DMXL2: variants seen among roughly 807,000 people sequenced by gnomAD.
DMXL2 encodes dmX-like protein 2.
A neutral mutation model predicts 331.1 loss-of-function variants in DMXL2; 103 were observed. The observed-to-expected ratio is 0.31, with a 90% CI of 0.27 to 0.37. The LOEUF (loss-of-function observed/expected upper bound fraction) is 0.37. Among genes scored for constraint, DMXL2 ranks in the 10% least tolerant of loss-of-function variants. The pLI is 1.00. For synonymous variants in DMXL2, 1,281 were observed against 1,252.1 expected, an observed-to-expected ratio of 1.02 and a Z score of -0.49; for missense variants, 3,171 against 3,642.9, an observed-to-expected ratio of 0.87 and a Z score of 3.33.
Position 51,564,161 on chromosome 15 carries a change from G to C in DMXL2, c.464C>G (p.Pro155Arg). 6.2e-7 allele frequency: 1 copy of C among 1,606,310 alleles called. No homozygotes were observed. The highest frequency in any genetic ancestry group is 2.3e-5 in the East Asian group (1 of 44,250). Residue 155 changes from proline to arginine, a missense_variant, in exon 5 of 44, where the codon CCT (proline) becomes CGT (arginine). Physicochemically the swap from Pro to Arg is moderately radical, Grantham distance 103. Transcript: ENST00000560891. ...EEEEIDNTVP[P>R]VLNDWKCVWQ... ...GACACACTTCCAATCATTTAAAACA[G>C]GAGGAACTGTATTATCAATTTCTTC...
At chr15:51,523,944 A>G (rs988456110) in intron 13 of DMXL2, among the ~76,000 whole-genome samples, 4 of 152,248 alleles carry the variant, frequency 2.6e-5, no homozygotes, top group African/African-American at 7.2e-5. Flanking sequence ...ATCAGTAAAG[A>G]TACAGAAGAA....
At chr15:51,568,416 T>C (rs1192286541) in intron 3 of DMXL2, 71 bp downstream of exon 3, 1 of 1,090,402 alleles carries the variant, frequency 9.2e-7, no homozygotes, top group Non-Finnish European at 1.3e-6. Context: ...CTAAGGAGCT[T>C]TTTATTAACA....
intron 9 of DMXL2, among the ~76,000 whole-genome samples, chr15:51,539,263 T>G (rs1344047249): frequency 1.3e-5 from 2 of 151,550 alleles, no homozygotes; most frequent in African/African-American, 2.4e-5. Flanking sequence ...TTCATACACA[T>G]ACACACAGAG....
In DMXL2 at chr15:51,468,401, A is replaced by G. The variant is rs1341558141; in HGVS notation, c.7393-2090T>C. On this transcript the variant is annotated intron_variant, in intron 29 of 43. Transcript: ENST00000560891. ...AAGAGGCTCTCACTGGCAAAGATGG[A>G]TAATCTGAGTCCCCATGAGAAAAAA... Among the ~76,000 whole-genome samples the G allele has an allele frequency of 2.0e-5, 3 of 152,336 alleles. No homozygotes were observed. The East Asian group carries it at 5.8e-4, about 29-fold the overall frequency.
intron 1 of DMXL2, among the ~76,000 whole-genome samples, chr15:51,594,907 T>G (rs72623976): frequency 0.48 from 72,893 of 151,978 alleles, 17,843 homozygotes; most frequent in Non-Finnish European, 0.52. Context: ...ATTGATGGGT[T>G]GTATGTCAAA....
At chr15:51,560,591 C>T (rs2049897009) in intron 6 of DMXL2, among the ~76,000 whole-genome samples, 2 of 148,884 alleles carry the variant, frequency 1.3e-5, no homozygotes, top group Admixed American at 6.7e-5. Flanking sequence ...ACTGCCTAAG[C>T]CCAGGAGGTC....
intron 43 of DMXL2, 133 bp downstream of exon 43, chr15:51,449,996 T>C: frequency 2.6e-6 from 2 of 763,702 alleles, no homozygotes; most frequent in East Asian, 2.7e-5. Context: ...CGGCAGAGTG[T>C]TGAGATATGC....
At chr15:51,537,894 A>AGTTT in intron 10 of DMXL2, 135 bp from the exon 11 acceptor site, 3 of 1,113,912 alleles carry the variant, frequency 2.7e-6, no homozygotes, top group Non-Finnish European at 3.7e-6. Context: ...AACAAAGGAA[A>AGTTT]CTTTTGTCTG....
chr15:51,511,671 C>T (rs1367793849), intron 15 of DMXL2, among the ~76,000 whole-genome samples: 2 of 152,218 alleles, frequency 1.3e-5, no homozygotes, highest in East Asian at 3.9e-4. Context: ...ACCATTTGAC[C>T]CAGCAATCCC....
At chr15:51,479,566 C>A (rs73399545) in intron 25 of DMXL2, among the ~76,000 whole-genome samples, 1 of 152,282 alleles carries the variant, frequency 6.6e-6, no homozygotes, top group Non-Finnish European at 1.5e-5. Flanking sequence ...CATTTGTGAC[C>A]AGTCATGCTT....
At chr15:51,578,667 T>C (rs1022585012) in intron 1 of DMXL2, among the ~76,000 whole-genome samples, 3 of 152,192 alleles carry the variant, frequency 2.0e-5, no homozygotes, top group Non-Finnish European at 4.4e-5. Flanking sequence ...CCTATAAGTA[T>C]ATATACAAAA....
intron 1 of DMXL2, among the ~76,000 whole-genome samples, chr15:51,593,686 G>A (rs1170054691): frequency 6.6e-6 from 1 of 152,096 alleles, no homozygotes; most frequent in Non-Finnish European, 1.5e-5. Flanking sequence ...CTCAGCAAAT[G>A]GAAAAGAACA....
chr15:51,612,306 A>G (rs1567186155), intron 1 of DMXL2, among the ~76,000 whole-genome samples: 1 of 152,228 alleles, frequency 6.6e-6, no homozygotes, highest in Non-Finnish European at 1.5e-5. Flanking sequence ...AAGAATGGCT[A>G]TAGTTCAATT....
intron 32 of DMXL2, among the ~76,000 whole-genome samples, chr15:51,464,094 A>G (rs1364234223): frequency 6.6e-6 from 1 of 152,222 alleles, no homozygotes; most frequent in African/African-American, 2.4e-5. Flanking sequence ...AAATTCTGTA[A>G]GAGTTCTGAC....
At chr15:51,601,438 AATT>A (rs1170440429) in intron 1 of DMXL2, among the ~76,000 whole-genome samples, 3 of 152,140 alleles carry the variant, frequency 2.0e-5, no homozygotes, top group African/African-American at 7.2e-5. Context: ...ACTTGGAGTT[AATT>A]TTTATGTATG....
In DMXL2 at chr15:51,538,232, T is replaced by G. The variant is rs1390724876; in HGVS notation, c.1326A>C (p.Leu442Phe). Reference protein sequence around the residue: ...EHSQEDRERGLHMKLDHDLSL... With the variant: ...EHSQEDRERGFHMKLDHDLSL... ...ACTAACCATGGTCTAATTTCATATG[T>G]AAACCCCGTTCTCTATCCTCCTGTG... Residue 442 changes from leucine to phenylalanine, a missense_variant, in exon 10 of 44, where the codon TTA becomes TTC. Transcript: ENST00000560891. The G allele has an allele frequency of 6.2e-7, 1 of 1,613,290 alleles. No individual in the cohort carries two copies. The highest frequency in any genetic ancestry group is 8.5e-7 in the Non-Finnish European group (1 of 1,179,516).
rs760354845 is a variant in DMXL2, at chr15:51,480,765, T to G, written c.6341A>C (p.Glu2114Ala). ...ACCAATATCTGGTTTGTCTACCATT[T>G]CTTCCTGATCCAGCAGATCACTCTC... ...KVESDLLDQE[E>A]MVDKPDIGSY... Residue 2114 changes from glutamate (E) to alanine (A), a missense_variant, in exon 24 of 44, where the codon GAA becomes GCA. By Grantham distance (107) the Glu-to-Ala change is moderately radical. Coordinates refer to ENST00000560891, the MANE Select transcript of DMXL2 (RefSeq NM_001378457.1). 1 of 1,600,922 alleles carries G rather than the reference T, an allele frequency of 6.2e-7. No homozygotes were observed. The highest frequency in any genetic ancestry group is 2.2e-5 in the East Asian group (1 of 44,656).
intron 1 of DMXL2, 92 bp from the exon 2 acceptor site, chr15:51,576,273 C>A: frequency 4.0e-6 from 4 of 995,080 alleles, no homozygotes; most frequent in South Asian, 2.4e-5. Context: ...GATTTTATTG[C>A]CATTATAAAG....
intron 34 of DMXL2, 161 bp from the exon 35 acceptor site, chr15:51,458,956 A>G (rs1431449927): frequency 1.1e-5 from 7 of 645,370 alleles, no homozygotes; most frequent in Non-Finnish European, 1.8e-5. Context: ...TGTGTTGAAA[A>G]CTAGCTTTGG....
Sources: gnomAD v4.1 joint callset for allele counts (sites outside exome capture counted in the v4.1 genomes callset) on GRCh38, gnomAD v4.1.1 for gene constraint, MANE v1.5 for transcripts, NCBI Gene and HGNC (gene_info 2026-07-23, HGNC 2026-07-21) for gene names.